KCNB2: variants seen among roughly 807,000 people sequenced by gnomAD.
KCNB2 encodes the protein potassium voltage-gated channel subfamily B member 2.
Under a neutral mutation model 61.5 loss-of-function variants are expected in KCNB2, and 15 were observed. That is an observed-to-expected ratio of 0.24 (90% confidence interval 0.16 to 0.38). The LOEUF (loss-of-function observed/expected upper bound fraction) is 0.38, where lower values mean the gene tolerates loss of function less well. Ranked by LOEUF, KCNB2 falls within the 10% of genes least tolerant of loss-of-function variation. The pLI is 1.00. For missense variants in KCNB2, 828 were observed against 1,125.2 expected (o/e 0.74, Z 3.78); for synonymous variants, 457 against 446.0 (o/e 1.02, Z -0.31).
At chr8:72,812,131 T>G (rs9650243) in intron 2 of KCNB2, among the ~76,000 whole-genome samples, 22,912 of 151,932 alleles carry the variant, frequency 0.15, 1,992 homozygotes, top group East Asian at 0.41. Flanking sequence ...GCATAGCAGC[T>G]CGTGCCTGTA....
chr8:72,589,320 A>G (rs1807049533), intron 2 of KCNB2, among the ~76,000 whole-genome samples: 1 of 152,166 alleles, frequency 6.6e-6, no homozygotes, highest in African/African-American at 2.4e-5. Context: ...GTTTTGCGTC[A>G]AAGTTTGTAG....
intron 2 of KCNB2, among the ~76,000 whole-genome samples, chr8:72,755,035 T>C (rs543695254): frequency 6.6e-6 from 1 of 152,302 alleles, no homozygotes; most frequent in African/African-American, 2.4e-5. Context: ...TAAGATATGA[T>C]GGGAACGGCA....
At chr8:72,692,290 G>C (rs1489938103) in intron 2 of KCNB2, among the ~76,000 whole-genome samples, 1 of 150,018 alleles carries the variant, frequency 6.7e-6, no homozygotes, top group African/African-American at 2.5e-5. Flanking sequence ...ATCTTTGTCT[G>C]TTAATTGATT....
chr8:72,706,492 T>A lies in KCNB2; in HGVS notation c.579+138179T>A, dbSNP rs149995671. Among the ~76,000 whole-genome samples, 349 of 152,326 alleles carry A rather than the reference T, an allele frequency of 2.3e-3. 2 individuals are homozygous for A. Among genetic ancestry groups the A allele is most frequent in the African/African-American group, 5.3e-3 (220 of 41,574 alleles). On this transcript the variant is annotated intron_variant, in intron 2 of 2. Transcript: ENST00000523207. ...TGAATTGTTCAGGCATCAGGATTGCTGTTTAATTTCCCCAGAAAGGTAAAT... is the reference window on the plus strand; with the variant it reads ...TGAATTGTTCAGGCATCAGGATTGCAGTTTAATTTCCCCAGAAAGGTAAAT...
At chr8:72,755,666 C>T (rs568492297) in intron 2 of KCNB2, among the ~76,000 whole-genome samples, 2 of 152,232 alleles carry the variant, frequency 1.3e-5, no homozygotes, top group East Asian at 1.9e-4. Flanking sequence ...ACACAATACC[C>T]GACAGTACAC....
chr8:72,883,225 A>G (rs7833062), intron 2 of KCNB2, among the ~76,000 whole-genome samples: 11,667 of 152,256 alleles, frequency 0.077, 1,459 homozygotes, highest in African/African-American at 0.25. Context: ...AAAATAGGAA[A>G]GCCCTGAAAA....
At chr8:72,659,638 G>A (rs936436593) in intron 2 of KCNB2, among the ~76,000 whole-genome samples, 3 of 152,072 alleles carry the variant, frequency 2.0e-5, no homozygotes, top group South Asian at 2.1e-4. Flanking sequence ...TCAATATGGC[G>A]AACTTCATTG....
intron 2 of KCNB2, among the ~76,000 whole-genome samples, chr8:72,691,745 T>C (rs1806943099): frequency 6.6e-6 from 1 of 152,228 alleles, no homozygotes; most frequent in Non-Finnish European, 1.5e-5. Flanking sequence ...TGCTTCATTC[T>C]ATTTCATTTC....
At chr8:72,632,617 G>A (rs139249128) in intron 2 of KCNB2, among the ~76,000 whole-genome samples, 26 of 152,060 alleles carry the variant, frequency 1.7e-4, no homozygotes, top group Admixed American at 3.3e-4. Flanking sequence ...CTGTGAGGGG[G>A]GTGTCTTCAT....
At chr8:72,604,073 G>A (rs1443234576) in intron 2 of KCNB2, among the ~76,000 whole-genome samples, 1 of 152,102 alleles carries the variant, frequency 6.6e-6, no homozygotes, top group Non-Finnish European at 1.5e-5. Context: ...CTAGTTTGTG[G>A]TACATTGTTA....
intron 2 of KCNB2, among the ~76,000 whole-genome samples, chr8:72,645,947 C>T (rs908208028): frequency 1.3e-5 from 2 of 152,120 alleles, no homozygotes; most frequent in African/African-American, 2.4e-5. Flanking sequence ...TGTTAGGCCA[C>T]CTGCCACTGA....
At chr8:72,693,567 G>A (rs1217839261) in intron 2 of KCNB2, among the ~76,000 whole-genome samples, 2 of 152,160 alleles carry the variant, frequency 1.3e-5, no homozygotes, top group Non-Finnish European at 2.9e-5. Flanking sequence ...TGTACAAATT[G>A]TCAGTCATTT....
chr8:72,832,650 C>A (rs1384830701), intron 2 of KCNB2, among the ~76,000 whole-genome samples: 2 of 152,146 alleles, frequency 1.3e-5, no homozygotes, highest in African/African-American at 4.8e-5. Context: ...AGTTAGCATG[C>A]CACAGTTCCA....
At chr8:72,676,178 A>G (rs544135731) in intron 2 of KCNB2, among the ~76,000 whole-genome samples, 2 of 152,282 alleles carry the variant, frequency 1.3e-5, no homozygotes, top group South Asian at 2.1e-4. Context: ...AAATGACAAT[A>G]TTTCTTTTGT....
chr8:72,643,903 T>A (rs144814760), intron 2 of KCNB2, among the ~76,000 whole-genome samples: 15 of 151,990 alleles, frequency 9.9e-5, no homozygotes, highest in African/African-American at 3.4e-4. Flanking sequence ...AGAAAGGGAG[T>A]TTAAACTTTT....
chr8:72,719,556 TA>T (rs915412411), intron 2 of KCNB2, among the ~76,000 whole-genome samples: 8 of 152,044 alleles, frequency 5.3e-5, no homozygotes, highest in African/African-American at 1.7e-4. Context: ...ATATGTATAT[TA>T]AAAAAAACTC....
At chr8:72,627,347 G>C (rs1805805869) in intron 2 of KCNB2, among the ~76,000 whole-genome samples, 1 of 152,098 alleles carries the variant, frequency 6.6e-6, no homozygotes, top group Non-Finnish European at 1.5e-5. Context: ...ACTTTCTGGA[G>C]GTCTCAAATT....
At chr8:72,893,419 G>C (rs1293203431) in intron 2 of KCNB2, among the ~76,000 whole-genome samples, 1 of 151,670 alleles carries the variant, frequency 6.6e-6, no homozygotes, top group African/African-American at 2.4e-5. Context: ...TGCATTTCTG[G>C]GACTTCTACC....
intron 2 of KCNB2, among the ~76,000 whole-genome samples, chr8:72,663,718 G>A (rs1438888043): frequency 2.0e-5 from 3 of 152,210 alleles, no homozygotes; most frequent in Admixed American, 1.3e-4. Context: ...GCAGTAAGGT[G>A]CAGATATTTA....
Sources: allele counts gnomAD v4.1 joint callset (sites outside exome capture counted in the v4.1 genomes callset), GRCh38; gene constraint gnomAD v4.1.1; transcripts MANE v1.5; gene names NCBI Gene and HGNC (gene_info 2026-07-23, HGNC 2026-07-21).